CCDC171: variants seen among roughly 807,000 people sequenced by gnomAD.
CCDC171 encodes coiled-coil domain containing 171.
In CCDC171, 177 loss-of-function variants were observed where a neutral mutation model predicts 168.2. The observed-to-expected ratio is 1.05, with a 90% CI of 0.93 to 1.19. The LOEUF (loss-of-function observed/expected upper bound fraction) is 1.19, where lower values mean the gene tolerates loss of function less well. Among genes scored for constraint, CCDC171 ranks in the 50% most tolerant of loss-of-function variants. The pLI is 0.00. For missense variants in CCDC171, 1,991 were observed against 1,539.0 expected, an observed-to-expected ratio of 1.29 and a Z score of -4.91; for synonymous variants, 687 against 540.8, an observed-to-expected ratio of 1.27 and a Z score of -3.75.
intron 12 of CCDC171, among the ~76,000 whole-genome samples, chr9:15,722,648 T>C (rs1445969837): frequency 1.3e-5 from 2 of 152,222 alleles, no homozygotes; most frequent in Non-Finnish European, 2.9e-5. Context: ...GAGTTTATCC[T>C]TGTGTGTATC....
intron 6 of CCDC171, among the ~76,000 whole-genome samples, chr9:15,612,989 T>C (rs569365527): frequency 2.0e-5 from 3 of 152,312 alleles, no homozygotes; most frequent in East Asian, 1.9e-4. Flanking sequence ...TTGAGATTTA[T>C]TAAATGCCAT....
At chr9:16,041,183 C>G (rs545099617), upstream of CCDC171, among the ~76,000 whole-genome samples, 1 of 152,268 alleles carries the variant, frequency 6.6e-6, no homozygotes, top group Admixed American at 6.5e-5. Context: ...GCCACAGGGG[C>G]TCAGAGGAAG....
rs113840314 is a variant in CCDC171, at chr9:15,724,778, A to T, written c.1494A>T (p.Glu498Asp). Reference protein sequence around the residue: ...KIDSHTKNIKELQDKLADVNK... With the variant: ...KIDSHTKNIKDLQDKLADVNK... ...TCTTTATTTGGTATCTATGACAGGA[A>T]CTTCAGGATAAACTGGCTGATGTTA... Residue 498 changes from glutamate (E) to aspartate (D), a missense_variant and splice_region_variant, in exon 14 of 26, where the codon GAA becomes GAT. Physicochemically the swap from Glu to Asp is conservative, Grantham distance 45. Transcript: ENST00000380701. The T allele has an allele frequency of 6.2e-7, 1 of 1,611,384 alleles. No homozygotes were observed. The highest frequency in any genetic ancestry group is 8.5e-7 in the Non-Finnish European group (1 of 1,177,984).
intron 18 of CCDC171, among the ~76,000 whole-genome samples, chr9:15,753,566 A>G (rs2055901275): frequency 6.6e-6 from 1 of 152,164 alleles, no homozygotes; most frequent in Non-Finnish European, 1.5e-5. Flanking sequence ...CAATGTTAAA[A>G]TATTGACACA....
intron 4 of CCDC171, among the ~76,000 whole-genome samples, chr9:16,022,174 C>A (rs945549076): frequency 6.6e-6 from 1 of 152,184 alleles, no homozygotes; most frequent in Non-Finnish European, 1.5e-5. Flanking sequence ...AGGCATGGAA[C>A]CCCATATCCT....
intron 24 of CCDC171, among the ~76,000 whole-genome samples, chr9:15,919,867 T>C (rs1275052174): frequency 1.3e-5 from 2 of 151,684 alleles, no homozygotes; most frequent in Non-Finnish European, 3.0e-5. Flanking sequence ...TTTAAAAATT[T>C]TACTAACTCA....
At chr9:15,663,076 A>T (rs1478084696) in intron 8 of CCDC171, among the ~76,000 whole-genome samples, 1 of 152,210 alleles carries the variant, frequency 6.6e-6, no homozygotes, top group Non-Finnish European at 1.5e-5. Context: ...AGTCTAGTTG[A>T]CATTATTATT....
chr9:15,930,881 A>G (rs150989581), intron 25 of CCDC171, among the ~76,000 whole-genome samples: 2 of 151,686 alleles, frequency 1.3e-5, no homozygotes, highest in Non-Finnish European at 3.0e-5. Flanking sequence ...TGATGTTTTG[A>G]TGCATATTTA....
chr9:15,578,932 C>A lies in CCDC171; in HGVS notation c.261C>A (p.Asp87Glu). The A allele has an allele frequency of 6.2e-7, 1 of 1,613,482 alleles. No homozygotes were observed. The highest frequency in any genetic ancestry group is 8.5e-7 in the Non-Finnish European group (1 of 1,179,484). ...CATTGCGACAAAGTCTGGAATATGA[C>A]CTAGCTGTTGCTAGAAAGGAAGCTG... The part of the protein sequence containing the change: ...GEALRQSLEY[D>E]LAVARKEAGL... Residue 87 changes from aspartate to glutamate, a missense_variant, in exon 4 of 26, where the codon GAC (aspartate) becomes GAA (glutamate). Asp to Glu is a conservative substitution (Grantham distance 45). Coordinates refer to ENST00000380701, the MANE Select transcript of CCDC171 (RefSeq NM_173550.4).
chr9:15,658,075 A>G (rs903191486), intron 8 of CCDC171, among the ~76,000 whole-genome samples: 3 of 152,230 alleles, frequency 2.0e-5, no homozygotes, highest in African/African-American at 7.2e-5. Context: ...CCCTTTACAG[A>G]AAATGTTTAC....
At chr9:15,660,834 A>G (rs2133036592) in intron 8 of CCDC171, among the ~76,000 whole-genome samples, 1 of 152,302 alleles carries the variant, frequency 6.6e-6, no homozygotes, top group East Asian at 1.9e-4. Context: ...TCTTTTGGAT[A>G]TATACCCAGT....
At chr9:15,942,929 G>A (rs1827891755) in intron 25 of CCDC171, among the ~76,000 whole-genome samples, 1 of 151,896 alleles carries the variant, frequency 6.6e-6, no homozygotes, top group Non-Finnish European at 1.5e-5. Flanking sequence ...AATTCAGGAG[G>A]CAGATGGTAA....
chr9:15,947,055 A>C (rs1589213458), intron 25 of CCDC171, among the ~76,000 whole-genome samples: 1 of 152,058 alleles, frequency 6.6e-6, no homozygotes, highest in Non-Finnish European at 1.5e-5. Context: ...ACTAAAAAAC[A>C]TGATTCTAAC....
At chr9:16,078,141 A>C in the CCDC171 span, among the ~76,000 whole-genome samples, 5 of 151,944 alleles carry the variant, frequency 3.3e-5, no homozygotes, top group African/African-American at 1.2e-4. Context: ...GATTGCGGTC[A>C]TTTCAGTGTA....
chr9:16,085,310 T>C, the CCDC171 span, among the ~76,000 whole-genome samples: 1 of 152,222 alleles, frequency 6.6e-6, no homozygotes, highest in East Asian at 1.9e-4. Context: ...AGTAGAGTCT[T>C]ACGACACTGT....
intron 2 of CCDC171, among the ~76,000 whole-genome samples, chr9:15,570,343 A>G (rs1210914000): frequency 6.6e-6 from 1 of 151,952 alleles, no homozygotes; most frequent in African/African-American, 2.4e-5. Flanking sequence ...TGGATGTGAC[A>G]TATGGATGAT....
In CCDC171 at chr9:15,744,419, A is replaced by G. The variant is rs757212626; in HGVS notation, c.2196A>G (p.Ala732=). ...REQMSLLAAC[A]LMAGALYPLY... ...AGATGTCCTTGCTGGCAGCCTGTGCATTAATGGCTGGTGCCTTATATCCCC... is the reference window on the plus strand; with the variant it reads ...AGATGTCCTTGCTGGCAGCCTGTGCGTTAATGGCTGGTGCCTTATATCCCC... The change falls in exon 17 of 26, where the codon GCA becomes GCG. Residue 732 remains alanine, a synonymous_variant. Coordinates refer to ENST00000380701, the MANE Select transcript of CCDC171 (RefSeq NM_173550.4). 6.2e-7 allele frequency: 1 copy of G among 1,614,184 alleles called. No homozygotes were observed. The highest frequency in any genetic ancestry group is 1.3e-5 in the African/African-American group (1 of 75,068).
At chr9:15,573,126 C>A (rs557491197) in intron 3 of CCDC171, among the ~76,000 whole-genome samples, 2 of 152,246 alleles carry the variant, frequency 1.3e-5, no homozygotes, top group South Asian at 4.2e-4. Context: ...TGCCACTGCA[C>A]TCCAGCCTGG....
chr9:15,971,664 C>T lies in CCDC171; in HGVS notation c.3809C>T (p.Ala1270Val), dbSNP rs1320050298. 6.2e-7 allele frequency: 1 copy of T among 1,613,860 alleles called. No homozygotes were observed. The highest frequency in any genetic ancestry group is 2.2e-5 in the East Asian group (1 of 44,862). The part of the protein sequence containing the change: ...LSIPSRAPLP[A>V]DTTGIGDFLP... ...ATTCCTTCAAGAGCTCCTCTTCCTG[C>T]TGACACAACTGGTATTGGGGATTTC... The change falls in exon 26 of 26, where the codon GCT (alanine) becomes GTT (valine). Residue 1270 changes from alanine (A) to valine (V), a missense_variant. Ala to Val is a moderately conservative substitution (Grantham distance 64). Transcript: ENST00000380701.
Sources: allele counts gnomAD v4.1 joint callset (sites outside exome capture counted in the v4.1 genomes callset), GRCh38; gene constraint gnomAD v4.1.1; transcripts MANE v1.5; gene names NCBI Gene and HGNC (gene_info 2026-07-23, HGNC 2026-07-21).